Variants in KDM4C observed in about 807,000 individuals in gnomAD.
The protein encoded by KDM4C is lysine-specific demethylase 4C.
A neutral mutation model predicts 129.3 loss-of-function variants in KDM4C; 81 were observed. That is an observed-to-expected ratio of 0.63 (90% confidence interval 0.52 to 0.75). KDM4C has a LOEUF of 0.75. Among genes scored for constraint, KDM4C ranks in the 30% least tolerant of loss-of-function variants. The probability of loss-of-function intolerance (pLI) is 0.00; values close to 1 mark genes in which losing one functional copy is unlikely to be tolerated. For missense variants in KDM4C, 1,457 were observed against 1,304.0 expected (o/e 1.12, Z -1.81); for synonymous variants, 573 against 456.1 (o/e 1.26, Z -3.26).
At chr9:7,150,159 G>A (rs1343563737) in intron 19 of KDM4C, among the ~76,000 whole-genome samples, 1 of 152,194 alleles carries the variant, frequency 6.6e-6, no homozygotes, top group Non-Finnish European at 1.5e-5. Context: ...CAATGCCGGA[G>A]CCCCAAACAG....
intron 5 of KDM4C, among the ~76,000 whole-genome samples, chr9:6,851,607 CA>C (rs1838861720): frequency 6.6e-6 from 1 of 152,058 alleles, no homozygotes; most frequent in African/African-American, 2.4e-5. Context: ...AAGTTAGTAG[CA>C]AAACTTTTCT....
Position 6,880,014 on chromosome 9 carries a change from A to G in KDM4C, c.632A>G (p.Tyr211Cys), listed in dbSNP as rs1371453173. The G allele has an allele frequency of 2.5e-6, 4 of 1,570,416 alleles. No individual in the cohort carries two copies. Among genetic ancestry groups the G allele is most frequent in the Non-Finnish European group, 3.5e-6 (4 of 1,152,614 alleles). ...TTTACTTATGTTTAAAATTTTAGGT[A>G]TGCTATACCTCCGGAGCATGGAAAA... ...YLHFGEPKSWYAIPPEHGKRL... is the reference protein window; with the variant it reads ...YLHFGEPKSWCAIPPEHGKRL... The change falls in exon 6 of 22, where the codon TAT becomes TGT. Residue 211 changes from tyrosine (Y) to cysteine (C), a missense_variant and splice_region_variant. Tyr to Cys is a radical substitution (Grantham distance 194). Transcript: ENST00000381309.
intron 1 of KDM4C, among the ~76,000 whole-genome samples, chr9:6,759,982 A>AATAT (rs1819083513): frequency 6.6e-6 from 1 of 150,880 alleles, no homozygotes; most frequent in African/African-American, 2.4e-5. Flanking sequence ...TAAATAAATA[A>AATAT]ATAAATAAAT....
chr9:6,861,673 A>C lies in KDM4C; in HGVS notation c.629+11973A>C, dbSNP rs531067838. Among the ~76,000 whole-genome samples the C allele has an allele frequency of 2.2e-3, 342 of 152,184 alleles. 6 individuals are homozygous for C. The highest frequency in any genetic ancestry group is 4.3e-4 in the Non-Finnish European group (29 of 68,016). ...CCTCCTCTCTTCCTCCCAGTGACTTATTATTTGTGTGGGCTTCATAGAGGA... is the reference window on the plus strand; with the variant it reads ...CCTCCTCTCTTCCTCCCAGTGACTTCTTATTTGTGTGGGCTTCATAGAGGA... On this transcript the variant is annotated intron_variant, in intron 5 of 21. Coordinates refer to ENST00000381309, the MANE Select transcript of KDM4C (RefSeq NM_015061.6).
chr9:6,879,368 CT>C (rs1844091980), intron 5 of KDM4C, among the ~76,000 whole-genome samples: 1 of 151,986 alleles, frequency 6.6e-6, no homozygotes, highest in South Asian at 2.1e-4. Flanking sequence ...TATTTCTGTT[CT>C]TTAAGGGTGA....
At chr9:6,753,347 A>T (rs941306698), upstream of KDM4C, among the ~76,000 whole-genome samples, 1 of 152,200 alleles carries the variant, frequency 6.6e-6, no homozygotes, top group Non-Finnish European at 1.5e-5. Context: ...ATGATTATTA[A>T]ATCTATAAAC....
rs375672052 is a variant in KDM4C, at chr9:6,799,183, A to C, written c.144+6051A>C. ...GGGGTGGCGGCCGGGCAGAGGCTGCAATCTCGGCACTTTGGGAGGCCAAGG... is the reference window on the plus strand; with the variant it reads ...GGGGTGGCGGCCGGGCAGAGGCTGCCATCTCGGCACTTTGGGAGGCCAAGG... On this transcript the variant is annotated intron_variant, in intron 2 of 21. Transcript: ENST00000381309. Among the ~76,000 whole-genome samples the C allele has an allele frequency of 5.5e-3, 836 of 152,298 alleles. 8 individuals are homozygous for C. The highest frequency in any genetic ancestry group is 0.018 in the African/African-American group (757 of 41,562).
intron 18 of KDM4C, among the ~76,000 whole-genome samples, chr9:7,118,702 T>C (rs1035619749): frequency 5.3e-5 from 8 of 152,314 alleles, no homozygotes; most frequent in East Asian, 1.9e-4. Flanking sequence ...GTTACTTACT[T>C]TGGTTTCTTC....
At chr9:6,779,830 T>C (rs947486158) in intron 1 of KDM4C, among the ~76,000 whole-genome samples, 2 of 152,222 alleles carry the variant, frequency 1.3e-5, no homozygotes, top group African/African-American at 4.8e-5. Context: ...CAGATGTGCA[T>C]CACATGGAGG....
intron 5 of KDM4C, among the ~76,000 whole-genome samples, chr9:6,862,460 A>T (rs1040593634): frequency 2.0e-5 from 3 of 152,226 alleles, no homozygotes; most frequent in East Asian, 3.9e-4. Flanking sequence ...CTTAATTCTC[A>T]AGGAGATTTC....
At chr9:6,951,559 G>T (rs1427769960) in intron 8 of KDM4C, among the ~76,000 whole-genome samples, 2 of 152,178 alleles carry the variant, frequency 1.3e-5, no homozygotes, top group African/African-American at 4.8e-5. Context: ...TATTTATGGT[G>T]GGGGCTATTG....
At chr9:7,167,693 T>C (rs911983567) in intron 20 of KDM4C, among the ~76,000 whole-genome samples, 8 of 152,186 alleles carry the variant, frequency 5.3e-5, no homozygotes, top group African/African-American at 1.9e-4. Context: ...TGTTTGATCT[T>C]TATTAAGACC....
chr9:6,759,188 A>G (rs1280857851), intron 1 of KDM4C, among the ~76,000 whole-genome samples: 1 of 152,108 alleles, frequency 6.6e-6, no homozygotes, highest in Non-Finnish European at 1.5e-5. Context: ...AGTCACTTTT[A>G]TCCTGGTGAA....
At chr9:7,048,322 G>GATAT (rs1199346594) in intron 16 of KDM4C, among the ~76,000 whole-genome samples, 2 of 152,094 alleles carry the variant, frequency 1.3e-5, no homozygotes, top group African/African-American at 4.8e-5. Context: ...TGAAAGACAG[G>GATAT]ATAGAGTCTG....
chr9:7,147,536 CA>C (rs1227009230), intron 19 of KDM4C, among the ~76,000 whole-genome samples: 2 of 152,182 alleles, frequency 1.3e-5, no homozygotes, highest in African/African-American at 4.8e-5. Flanking sequence ...TCCCCTCATA[CA>C]TTTTAGTCCC....
At chr9:6,984,433 T>C in intron 10 of KDM4C, 29 bp downstream of exon 10, 1 of 1,419,596 alleles carries the variant, frequency 7.0e-7, no homozygotes, top group Non-Finnish European at 9.9e-7. Flanking sequence ...AGGTTTCACA[T>C]ATAAGTAGTA....
intron 1 of KDM4C, among the ~76,000 whole-genome samples, chr9:6,768,406 ATG>A (rs1563960728): frequency 6.7e-6 from 1 of 149,796 alleles, no homozygotes; most frequent in African/African-American, 2.5e-5. Context: ...ATATAAATTT[ATG>A]TGTGTGTTTA....
chr9:7,023,613 G>T (rs1825269306), intron 15 of KDM4C, among the ~76,000 whole-genome samples: 1 of 151,588 alleles, frequency 6.6e-6, no homozygotes, highest in Non-Finnish European at 1.5e-5. Flanking sequence ...GATCTGTTGT[G>T]TTCTCATTTC....
At chr9:6,877,184 AAAAGGCTTAG>A (rs1254880181) in intron 5 of KDM4C, among the ~76,000 whole-genome samples, 2 of 152,128 alleles carry the variant, frequency 1.3e-5, no homozygotes, top group Non-Finnish European at 2.9e-5. Context: ...GGAAACAGGA[AAAAGGCTTAG>A]AAAGTGCTAA....
Sources: gnomAD v4.1 joint callset for allele counts (sites outside exome capture counted in the v4.1 genomes callset) on GRCh38, gnomAD v4.1.1 for gene constraint, MANE v1.5 for transcripts, NCBI Gene and HGNC (gene_info 2026-07-23, HGNC 2026-07-21) for gene names.